The following VPS13B variants were observed in gnomAD, a reference collection of about 807,000 sequenced individuals.
VPS13B encodes the protein vacuolar protein sorting 13 homolog B, also known as intermembrane lipid transfer protein VPS13B.
A neutral mutation model predicts 426.4 loss-of-function variants in VPS13B; 285 were observed. The observed-to-expected ratio is 0.67, with a 90% CI of 0.61 to 0.74. The LOEUF (loss-of-function observed/expected upper bound fraction) is 0.74. Ranked by LOEUF, VPS13B falls within the 30% of genes least tolerant of loss-of-function variation. The pLI is 0.00. For missense variants in VPS13B, 4,537 were observed against 4,782.6 expected (o/e 0.95, Z 1.51); for synonymous variants, 1,676 against 1,676.4 (o/e 1.00, Z 0.01).
chr8:99,145,426 G>T (rs1810654900), intron 13 of VPS13B, among the ~76,000 whole-genome samples: 1 of 152,008 alleles, frequency 6.6e-6, no homozygotes, highest in Admixed American at 6.6e-5. Flanking sequence ...CTGGCATGTT[G>T]CTCTCTTACA....
chr8:99,506,311 C>T (rs1158990100), intron 27 of VPS13B, among the ~76,000 whole-genome samples: 3 of 152,090 alleles, frequency 2.0e-5, no homozygotes, highest in South Asian at 2.1e-4. Flanking sequence ...GAATGTTCAA[C>T]TCTTTAGTTC....
At chr8:99,478,454 TTTTTTTTTTTTG>T (rs1563752137) in intron 24 of VPS13B, among the ~76,000 whole-genome samples, 10 of 131,070 alleles carry the variant, frequency 7.6e-5, no homozygotes, top group Non-Finnish European at 1.4e-4. Flanking sequence ...TTTGTTTTTT[TTTTTTTTTTTTG>T]TTTTTTGTTT....
chr8:99,811,750 A>G (rs576231093), intron 44 of VPS13B, among the ~76,000 whole-genome samples: 1 of 152,296 alleles, frequency 6.6e-6, no homozygotes, highest in South Asian at 2.1e-4. Flanking sequence ...TGTGATCTTC[A>G]GAAAGTCATT....
chr8:99,699,131 CTTTTTTTTTT>C (rs370004663), intron 35 of VPS13B, among the ~76,000 whole-genome samples: 26 of 90,556 alleles, frequency 2.9e-4, no homozygotes, highest in Non-Finnish European at 1.6e-4. Flanking sequence ...TAAGGAAAGT[CTTTTTTTTTT>C]TTTTTTTTTT....
chr8:99,015,628 G>C lies in VPS13B; in HGVS notation c.147+1693G>C, dbSNP rs137888277. Among the ~76,000 whole-genome samples, 636 of 152,000 alleles carry C rather than the reference G, an allele frequency of 4.2e-3. 4 individuals carry two copies. Among genetic ancestry groups the C allele is most frequent in the African/African-American group, 0.013 (556 of 41,448 alleles). On this transcript the variant is annotated intron_variant, in intron 2 of 61. Transcript: ENST00000357162. ...TGTTTTTGTAAGTACTCCAGGCCGG[G>C]CACGGTGGTTCACGCCTGTAACCCC...
chr8:99,204,030 A>G (rs1041491884), intron 17 of VPS13B, among the ~76,000 whole-genome samples: 3 of 152,180 alleles, frequency 2.0e-5, no homozygotes, highest in Non-Finnish European at 4.4e-5. Context: ...TATAGAACCA[A>G]AAAAGGGCCT....
chr8:99,690,412 G>C (rs1831604261), intron 35 of VPS13B, among the ~76,000 whole-genome samples: 1 of 152,170 alleles, frequency 6.6e-6, no homozygotes, highest in Non-Finnish European at 1.5e-5. Flanking sequence ...TTCTTGGTAT[G>C]ACACCAAAAG....
intron 2 of VPS13B, among the ~76,000 whole-genome samples, chr8:99,029,088 A>C (rs1842349198): frequency 7.2e-6 from 1 of 139,616 alleles, no homozygotes; most frequent in Non-Finnish European, 1.5e-5. Flanking sequence ...GACGCTCCTC[A>C]CCTCCCAGAC....
intron 43 of VPS13B, among the ~76,000 whole-genome samples, chr8:99,801,967 C>T (rs926500501): frequency 8.5e-5 from 13 of 152,112 alleles, no homozygotes; most frequent in South Asian, 4.1e-4. Flanking sequence ...CTGGGCAACA[C>T]GGCAAAACAC....
chr8:99,623,178 C>CA (rs1563830055), intron 33 of VPS13B, among the ~76,000 whole-genome samples: 5 of 152,162 alleles, frequency 3.3e-5, no homozygotes, highest in African/African-American at 2.4e-5. Flanking sequence ...TCACACTGAC[C>CA]TCCTTGCTGT....
chr8:99,626,682 G>A (rs1052907754), intron 33 of VPS13B, among the ~76,000 whole-genome samples: 1 of 152,174 alleles, frequency 6.6e-6, no homozygotes, highest in African/African-American at 2.4e-5. Context: ...TGCGTTGTTG[G>A]TGGGAATGTA....
Position 99,083,646 on chromosome 8 carries a change from A to G in VPS13B, c.292-12666A>G, listed in dbSNP as rs1845608902. 2.2e-5 allele frequency among the ~76,000 whole-genome samples: 3 copies of G among 136,406 alleles called. No homozygotes were observed. In the Admixed American group the frequency reaches 2.3e-4, roughly 11 times the overall value. The allele number at this position is 136,406 out of a possible 152,430, so 89.5% of individuals were successfully genotyped here. A position where few individuals can be genotyped will look rare whatever the true frequency, so the allele number is the denominator to read the frequency against. ...GATATGTCCCATCGATACATAATTT[A>G]TTGAGAGTTTTTAGCATGAAGCGTT... On this transcript the variant is annotated intron_variant, in intron 3 of 61. Coordinates refer to ENST00000357162, the MANE Select transcript of VPS13B (RefSeq NM_152564.5).
intron 39 of VPS13B, among the ~76,000 whole-genome samples, chr8:99,723,673 A>G (rs1833219483): frequency 6.6e-6 from 1 of 152,170 alleles, no homozygotes; most frequent in African/African-American, 2.4e-5. Flanking sequence ...AGAGAGTCCC[A>G]GGGACCCAGA....
intron 16 of VPS13B, among the ~76,000 whole-genome samples, chr8:99,171,995 A>G (rs1812365650): frequency 6.6e-6 from 1 of 152,158 alleles, no homozygotes; most frequent in South Asian, 2.1e-4. Context: ...TTAGTGGATG[A>G]GACAGATATC....
intron 21 of VPS13B, among the ~76,000 whole-genome samples, chr8:99,410,819 T>A (rs1588344167): frequency 6.6e-6 from 1 of 152,220 alleles, no homozygotes; most frequent in East Asian, 1.9e-4. Context: ...TGGTGTTTGG[T>A]TTTCTGTTCT....
At chr8:99,621,086 A>G (rs1828330953) in intron 33 of VPS13B, among the ~76,000 whole-genome samples, 1 of 151,538 alleles carries the variant, frequency 6.6e-6, no homozygotes, top group Non-Finnish European at 1.5e-5. Context: ...TCCTTTAGTT[A>G]GGGTTAGGAA....
chr8:99,596,783 T>C (rs1827038168), intron 33 of VPS13B, among the ~76,000 whole-genome samples: 1 of 152,052 alleles, frequency 6.6e-6, no homozygotes. Flanking sequence ...AATTGCAGAA[T>C]AGAAATATAG....
chr8:99,251,870 G>A (rs1817527431), intron 17 of VPS13B, among the ~76,000 whole-genome samples: 1 of 151,836 alleles, frequency 6.6e-6, no homozygotes, highest in African/African-American at 2.4e-5. Flanking sequence ...TTTGTGTGTA[G>A]AGTTGCTTGT....
chr8:99,675,156 A>G (rs1830879397), intron 35 of VPS13B, among the ~76,000 whole-genome samples: 1 of 151,876 alleles, frequency 6.6e-6, no homozygotes, highest in African/African-American at 2.4e-5. Context: ...TTGTTTGTCC[A>G]GGAAAGTTTT....
Sources: allele counts gnomAD v4.1 joint callset (sites outside exome capture counted in the v4.1 genomes callset), GRCh38; gene constraint gnomAD v4.1.1; transcripts MANE v1.5; gene names NCBI Gene and HGNC (gene_info 2026-07-23, HGNC 2026-07-21).